Variants in EPS8L1 observed in about 807,000 individuals in gnomAD.
The protein encoded by EPS8L1 is epidermal growth factor receptor kinase substrate 8-like protein 1.
EPS8L1 carries 101 observed loss-of-function variants against 91.7 expected under a neutral mutation model. The ratio of observed to expected loss-of-function variants is 1.10; its 90% CI spans 0.94 to 1.30. The LOEUF is 1.30. EPS8L1 is among the 50% of genes most tolerant of loss of function. The pLI, the probability that EPS8L1 is intolerant of heterozygous loss-of-function variation, is 0.00. For missense variants in EPS8L1, 1,114 were observed against 1,017.0 expected (o/e 1.10, Z -1.30); for synonymous variants, 506 against 445.3 (o/e 1.14, Z -1.72).
chr19:55,079,856 C>G lies in EPS8L1; in HGVS notation c.279+5C>G, dbSNP rs749038247. The G allele has an allele frequency of 4.4e-6, 7 of 1,608,176 alleles. No homozygotes were observed. The highest frequency in any genetic ancestry group is 5.9e-6 in the Non-Finnish European group (7 of 1,177,266). ...CTGCTCGACCCGGCCTCCAAGGTGC[C>G]GGGGGGCACGTGGGTGGGAGGAGTG... On this transcript the variant is annotated splice_donor_5th_base_variant and intron_variant, in intron 5 of 19. Transcript: ENST00000201647.
rs780904480 is a variant in EPS8L1, at chr19:55,081,747, G to A, written c.775-26G>A. On this transcript the variant is annotated intron_variant, in intron 8 of 19. Coordinates refer to ENST00000201647, the MANE Select transcript of EPS8L1 (RefSeq NM_133180.3). This position sits in a 1 kb window ranked among gnomAD's most constrained non-coding sequence, Gnocchi z 4.9. Reference sequence around the variant, plus strand: ...GATGGTTTTGGAACTCGGGAGCCCTGAGCGTCCCCCTCCTCTGTCCCCTAG... The same window carrying A: ...GATGGTTTTGGAACTCGGGAGCCCTAAGCGTCCCCCTCCTCTGTCCCCTAG... The A allele has an allele frequency of 1.6e-5, 25 of 1,583,160 alleles. No individual in the cohort carries two copies. In the Admixed American group the frequency reaches 4.5e-4, roughly 29 times the overall value.
Position 55,080,251 on chromosome 19 carries a change from G to T in EPS8L1, c.402G>T (p.Val134=), listed in dbSNP as rs1335265828. The part of the protein sequence containing the change: ...CQEPERAQPD[V]HFFQGLRLGA... ...AACCCGAGCGCGCGCAGCCCGACGT[G>T]CACTTCTTCCAGGGCCTGCGCCTCG... The change falls in exon 6 of 20, where the codon GTG becomes GTT. Residue 134 remains valine, a synonymous_variant. Coordinates refer to ENST00000201647, the MANE Select transcript of EPS8L1 (RefSeq NM_133180.3). The T allele has an allele frequency of 3.9e-6, 6 of 1,535,144 alleles. No individual in the cohort carries two copies. Among genetic ancestry groups the T allele is most frequent in the South Asian group, 2.4e-5 (2 of 83,170 alleles).
chr19:55,076,095 G>A (rs2076120538), intron 1 of EPS8L1, among the ~76,000 whole-genome samples, 176 bp downstream of exon 1: 2 of 135,856 alleles, frequency 1.5e-5, no homozygotes, highest in African/African-American at 5.5e-5. Flanking sequence ...AGGGAGGAGG[G>A]GCTGAGGGCC....
At chr19:55,077,923 T>C (rs945421962) in intron 2 of EPS8L1, among the ~76,000 whole-genome samples, 165 bp from the exon 3 acceptor site, 1 of 144,354 alleles carries the variant, frequency 6.9e-6, no homozygotes, top group Admixed American at 7.2e-5. Context: ...GGCTCTGAGC[T>C]CTCCTGCTCA....
Position 55,083,300 on chromosome 19 carries a change from C to G in EPS8L1, c.1215-78C>G. 6.4e-7 allele frequency: 1 copy of G among 1,551,072 alleles called. No individual in the cohort carries two copies. Among genetic ancestry groups the G allele is most frequent in the South Asian group, 1.2e-5 (1 of 82,750 alleles). The stretch of plus-strand genomic sequence containing the variant: ...GAATACAGCGAGCTTTAGGGGAAAA[C>G]TTAGTGAAGTTAATGCAGGAACGAA... On this transcript the variant is annotated intron_variant, in intron 12 of 19. Coordinates refer to ENST00000201647, the MANE Select transcript of EPS8L1 (RefSeq NM_133180.3). The surrounding 1 kb of genome is among the most constrained non-coding windows in gnomAD (Gnocchi z 4.7).
At chr19:55,086,543 G>A (rs1010356222) in intron 17 of EPS8L1, 25 bp downstream of exon 17, 25 of 1,549,850 alleles carry the variant, frequency 1.6e-5, no homozygotes, top group East Asian at 1.5e-4. Flanking sequence ...CGCCGGCTGC[G>A]GGGAGCGGTC....
chr19:55,086,063 C>A lies in EPS8L1; in HGVS notation c.1521C>A (p.Val507=). Residue 507 remains valine (V), a splice_region_variant and synonymous_variant, in exon 16 of 20, where the codon GTC becomes GTA. Coordinates refer to ENST00000201647, the MANE Select transcript of EPS8L1 (RefSeq NM_133180.3). ...LSVKQRDVLE[V]LDDSRKWWKV... ...CCTCTGTTCTTTACCACACCCAGGT[C>A]CTGGATGACAGTCGTAAGTGGTGGA... The A allele has an allele frequency of 2.5e-6, 4 of 1,594,514 alleles. No individual in the cohort carries two copies. The highest frequency in any genetic ancestry group is 3.4e-6 in the Non-Finnish European group (4 of 1,167,242).
intron 4 of EPS8L1, 88 bp downstream of exon 4, chr19:55,079,145 C>A: frequency 1.5e-6 from 2 of 1,375,298 alleles, no homozygotes; most frequent in Non-Finnish European, 2.1e-6. Context: ...GCTAGGCCCC[C>A]AAGCAGGAAG....
rs1568799476 is a variant in EPS8L1 at position 55,087,638 on chromosome 19, AGT to A, written c.*26_*27del. The A allele has an allele frequency of 6.2e-7, 1 of 1,612,630 alleles. No individual in the cohort carries two copies. Among genetic ancestry groups the A allele is most frequent in the African/African-American group, 1.3e-5 (1 of 75,014 alleles). The stretch of plus-strand genomic sequence containing the variant: ...GACCTGCCAGGCGCCCTTCGCAAAG[AGT>A]GACGAGGCCCCGTGGGAGAACGGAC... On this transcript the variant is annotated 3_prime_UTR_variant, in exon 20 of 20. Coordinates refer to ENST00000201647, the MANE Select transcript of EPS8L1 (RefSeq NM_133180.3).
intron 17 of EPS8L1, 83 bp from the exon 18 acceptor site, chr19:55,086,631 G>C: frequency 2.0e-6 from 3 of 1,474,088 alleles, no homozygotes; most frequent in Non-Finnish European, 2.7e-6. Flanking sequence ...GGGGACGCTG[G>C]AGCGCCCCCC....
At chr19:55,078,420 G>A (rs182138711) in intron 3 of EPS8L1, among the ~76,000 whole-genome samples, 1 of 14,284 alleles carries the variant, frequency 7.0e-5, no homozygotes, top group Admixed American at 6.4e-4. Context: ...TGGACTCCTG[G>A]GTCAGAGGGA....
chr19:55,086,589 CAGAA>C (rs767646031), intron 17 of EPS8L1, 71 bp downstream of exon 17: 44 of 1,534,320 alleles, frequency 2.9e-5, no homozygotes, highest in Non-Finnish European at 2.8e-5. Flanking sequence ...AACGGGGGCT[CAGAA>C]AGAGCAAAGG....
Position 55,080,158 on chromosome 19 carries a change from C to T in EPS8L1, c.309C>T (p.Ala103=), listed in dbSNP as rs1335252946. ...KEELESYPLG[A]IVRCDAVMPP... is the part of the protein sequence containing the mutation. ...AGCTGGAGTCGTACCCACTGGGCGC[C>T]ATCGTGCGCTGTGACGCGGTGATGC... The change falls in exon 6 of 20, where the codon GCC becomes GCT. Residue 103 remains alanine, a synonymous_variant. Coordinates refer to ENST00000201647, the MANE Select transcript of EPS8L1 (RefSeq NM_133180.3). 6.6e-7 allele frequency: 1 copy of T among 1,521,778 alleles called. No homozygotes were observed. 94.3% of individuals were successfully genotyped at this position (1,521,778 alleles called of 1,614,324 possible). A position where few individuals can be genotyped will look rare whatever the true frequency, so the allele number is the denominator to read the frequency against.
intron 6 of EPS8L1, 197 bp from the exon 7 acceptor site, chr19:55,080,575 A>G (rs371737625): frequency 6.2e-5 from 100 of 1,607,762 alleles, no homozygotes; most frequent in African/African-American, 6.0e-4. Flanking sequence ...CTGGGTCTCC[A>G]TGGGCGGGGT....
chr19:55,087,158 G>T, intron 18 of EPS8L1, 145 bp from the exon 19 acceptor site: 1 of 1,274,868 alleles, frequency 7.8e-7, no homozygotes, highest in Non-Finnish European at 1.1e-6. Context: ...GTGATTGGTG[G>T]GTGGGGTTCA....
chr19:55,086,449 C>T lies in EPS8L1; in HGVS notation c.1708C>T (p.Arg570Trp), dbSNP rs1555846368. 1.9e-6 allele frequency: 3 copies of T among 1,553,526 alleles called. No homozygotes were observed. Among genetic ancestry groups the T allele is most frequent in the South Asian group, 1.2e-5 (1 of 84,268 alleles). ...CCCGGCCCCACCTCCAGCTCTGGCT[C>T]GGCCCCGCTGGGACAGGCCCCGCTG... ...PAPAPPPALA[R>W]PRWDRPRWDS... Residue 570 changes from arginine (R) to tryptophan (W), a missense_variant, in exon 17 of 20, where the codon CGG becomes TGG. Arg to Trp is a moderately radical substitution (Grantham distance 101, BLOSUM62 -3). Transcript: ENST00000201647.
rs768629238 is a variant in EPS8L1, at chr19:55,087,287, G to A, written c.1953-16G>A. ...CCGCCGACCGGCCTGACCGCGCCCGGGCTGCCCTCGCTCAGGACCGTGGAC... is the reference window on the plus strand; with the variant it reads ...CCGCCGACCGGCCTGACCGCGCCCGAGCTGCCCTCGCTCAGGACCGTGGAC... On this transcript the variant is annotated splice_polypyrimidine_tract_variant and intron_variant, in intron 18 of 19. Coordinates refer to ENST00000201647, the MANE Select transcript of EPS8L1 (RefSeq NM_133180.3). The A allele has an allele frequency of 3.1e-6, 5 of 1,590,362 alleles. No homozygotes were observed. Among genetic ancestry groups the A allele is most frequent in the African/African-American group, 1.3e-5 (1 of 74,328 alleles).
In EPS8L1 at chr19:55,081,816, C is replaced by A. The variant is rs759877595; in HGVS notation, c.818C>A (p.Ser273Ter). 1 of 1,612,828 alleles carries A rather than the reference C, an allele frequency of 6.2e-7. No individual in the cohort carries two copies. The highest frequency in any genetic ancestry group is 1.1e-5 in the South Asian group (1 of 91,052). Residue 273 changes from serine (S) to a stop codon, truncating the protein, a stop_gained, in exon 9 of 20, where the codon TCG (serine) becomes TAG (stop). Coordinates refer to ENST00000201647, the MANE Select transcript of EPS8L1 (RefSeq NM_133180.3). LOFTEE classifies it high-confidence loss of function. The surrounding 1 kb of genome is among the most constrained non-coding windows in gnomAD (Gnocchi z 4.9). Reference sequence around the variant, plus strand: ...TTCGACGACGTAGAGAGCTTTGTATCGAGGCTGCAGAAGTCGGCGGAGGCG... The same window carrying A: ...TTCGACGACGTAGAGAGCTTTGTATAGAGGCTGCAGAAGTCGGCGGAGGCG... ...HVFDDVESFVSRLQKSAEAAR... is the reference protein window; with the variant it reads ...HVFDDVESFV
chr19:55,076,384 C>T, intron 1 of EPS8L1, 24 bp from the exon 2 acceptor site: 1 of 1,604,654 alleles, frequency 6.2e-7, no homozygotes, highest in Non-Finnish European at 8.5e-7. Context: ...CTGGCCAGGC[C>T]TTCACATGTT....
Sources: allele counts gnomAD v4.1 joint callset (sites outside exome capture counted in the v4.1 genomes callset), GRCh38; gene constraint gnomAD v4.1.1; non-coding constraint Gnocchi (gnomAD v3.1); transcripts MANE v1.5; gene names NCBI Gene and HGNC (gene_info 2026-07-23, HGNC 2026-07-21).